The following FRRS1L variants were observed in gnomAD, a reference collection of about 807,000 sequenced individuals.
The protein encoded by FRRS1L is ferric chelate reductase 1 like, also known as DOMON domain-containing protein FRRS1L.
FRRS1L carries 22 observed loss-of-function variants against 28.6 expected under a neutral mutation model. That is an observed-to-expected ratio of 0.77 (90% CI 0.55 to 1.10). The LOEUF (loss-of-function observed/expected upper bound fraction) is 1.10, where lower values mean the gene tolerates loss of function less well. FRRS1L is among the 50% of genes least tolerant of loss of function. The pLI is 0.00. For synonymous variants in FRRS1L, 158 were observed against 151.4 expected, an observed-to-expected ratio of 1.04 and a Z score of -0.32; for missense variants, 380 against 386.9, an observed-to-expected ratio of 0.98 and a Z score of 0.15.
In FRRS1L at chr9:109,154,142, A is replaced by C. The variant is rs1831374361; in HGVS notation, c.239-4422T>G. ...TCATCCCATGCTGCTCTGAGGCATC[A>C]GCAGCAGCTGAGCACAGCCTCATTC... On this transcript the variant is annotated intron_variant, in intron 1 of 4. Coordinates refer to ENST00000561981, the MANE Select transcript of FRRS1L (RefSeq NM_014334.4). 3.3e-5 allele frequency among the ~76,000 whole-genome samples: 5 copies of C among 152,366 alleles called. No homozygotes were observed. The South Asian group carries it at 1.0e-3, about 32-fold the overall frequency.
rs1048653874 is a variant in FRRS1L, at chr9:109,132,614, A to C, written c.*4841T>G. On this transcript the variant is annotated 3_prime_UTR_variant, in exon 5 of 5. Coordinates refer to ENST00000561981, the MANE Select transcript of FRRS1L (RefSeq NM_014334.4). The stretch of plus-strand genomic sequence containing the variant: ...AGTATCCTTTACAACTAATCATGAT[A>C]TATTGGTGTGTCCCTATCTAAGAAC... The C allele has an allele frequency of 7.2e-5, 11 of 152,182 alleles. No individual in the cohort carries two copies. Among genetic ancestry groups the C allele is most frequent in the African/African-American group, 2.7e-4 (11 of 41,446 alleles). The allele number at this position is 152,182 out of a possible 1,614,324, so 9.4% of individuals were successfully genotyped here.
Position 109,141,581 on chromosome 9 carries a change from A to G in FRRS1L, c.471T>C (p.Asp157=). The change falls in exon 4 of 5, where the codon GAT becomes GAC. Residue 157 remains aspartate, a synonymous_variant. Coordinates refer to ENST00000561981, the MANE Select transcript of FRRS1L (RefSeq NM_014334.4). ...GFSSDKKMGG[D]DVMACVHDDN... ...CATCATGGACGCAGGCCATGACATC[A>G]TCACCACCCTAACATGAGAAATGAT... The G allele has an allele frequency of 1.2e-6, 2 of 1,611,920 alleles. No homozygotes were observed. Among genetic ancestry groups the G allele is most frequent in the East Asian group, 2.2e-5 (1 of 44,844 alleles).
chr9:109,138,381 C>T (rs192794848), intron 4 of FRRS1L: 1 of 152,264 alleles, frequency 6.6e-6, no homozygotes, highest in Non-Finnish European at 1.5e-5. Context: ...AGTGTCTGAC[C>T]TCCTGAATAA....
chr9:109,155,386 C>T (rs143006816), intron 1 of FRRS1L, among the ~76,000 whole-genome samples: 32 of 152,174 alleles, frequency 2.1e-4, no homozygotes, highest in Non-Finnish European at 3.2e-4. Context: ...ACAACATGGA[C>T]GTACCTTGAT....
chr9:109,161,051 A>G lies in FRRS1L; in HGVS notation c.238+5850T>C, dbSNP rs561342649. On this transcript the variant is annotated intron_variant, in intron 1 of 4. Coordinates refer to ENST00000561981, the MANE Select transcript of FRRS1L (RefSeq NM_014334.4). The stretch of plus-strand genomic sequence containing the variant: ...GGTGATCTGCCGCCTCGGCTTCCCA[A>G]CGTGCTGGGATTACAGGCCGCCTCA... Among the ~76,000 whole-genome samples the G allele has an allele frequency of 2.3e-3, 350 of 152,162 alleles. 1 individual carries two copies. Among genetic ancestry groups the G allele is most frequent in the Non-Finnish European group, 4.0e-3 (274 of 68,006 alleles).
chr9:109,141,849 G>GA (rs1383377862), intron 3 of FRRS1L, among the ~76,000 whole-genome samples: 1 of 139,692 alleles, frequency 7.2e-6, no homozygotes, highest in African/African-American at 2.7e-5. Flanking sequence ...ACCTAATCAA[G>GA]AAAAAACAAT....
chr9:109,164,871 C>T lies in FRRS1L; in HGVS notation c.238+2030G>A, dbSNP rs919316592. Among the ~76,000 whole-genome samples, 6 of 152,234 alleles carry T rather than the reference C, an allele frequency of 3.9e-5. No individual in the cohort carries two copies. The East Asian group carries it at 7.7e-4, about 20-fold the overall frequency. ...TAAATGCCTTCCCTCTTCTGTGTCA[C>T]TGAAGTCTTTCCTACTTCATGGCTT... On this transcript the variant is annotated intron_variant, in intron 1 of 4. Transcript: ENST00000561981.
In FRRS1L at chr9:109,134,624, C is replaced by A. The variant is rs746215994; in HGVS notation, c.*2831G>T. On this transcript the variant is annotated 3_prime_UTR_variant, in exon 5 of 5. Coordinates refer to ENST00000561981, the MANE Select transcript of FRRS1L (RefSeq NM_014334.4). ...TTTTACCTTAATGGCACTGAGAAGT[C>A]ATTGAAAGTTCTAAGCATAAATAAG... is the stretch of plus-strand genomic sequence containing the variant. The A allele has an allele frequency of 6.6e-6, 1 of 152,134 alleles. No individual in the cohort carries two copies. The highest frequency in any genetic ancestry group is 6.5e-5 in the Admixed American group (1 of 15,282). 9.4% of individuals were successfully genotyped at this position (152,134 alleles called of 1,614,324 possible).
chr9:109,159,656 TCAA>T (rs1012885307), intron 1 of FRRS1L, among the ~76,000 whole-genome samples: 4 of 152,106 alleles, frequency 2.6e-5, no homozygotes, highest in Admixed American at 2.0e-4. Flanking sequence ...AGACTCTGTC[TCAA>T]CAACAACAAC....
intron 1 of FRRS1L, among the ~76,000 whole-genome samples, chr9:109,153,163 T>C (rs879780745): frequency 3.3e-5 from 5 of 152,194 alleles, no homozygotes; most frequent in Non-Finnish European, 5.9e-5. Flanking sequence ...TTGTTCTTCA[T>C]GAGCCCCTTG....
In FRRS1L at chr9:109,134,832, T is replaced by C. The variant is rs1414657599; in HGVS notation, c.*2623A>G. The C allele has an allele frequency of 5.3e-5, 8 of 152,180 alleles. No homozygotes were observed. Among genetic ancestry groups the C allele is most frequent in the Admixed American group, 5.2e-4 (8 of 15,278 alleles). The allele number at this position is 152,180 out of a possible 1,614,324, so 9.4% of individuals were successfully genotyped here. A position where few individuals can be genotyped will look rare whatever the true frequency, so the allele number is the denominator to read the frequency against. On this transcript the variant is annotated 3_prime_UTR_variant, in exon 5 of 5. Coordinates refer to ENST00000561981, the MANE Select transcript of FRRS1L (RefSeq NM_014334.4). ...ATAAGAGAGAGAAATATAAAAATATTTGCTTCTTATTTACAACATGGCTGC... is the reference window on the plus strand; with the variant it reads ...ATAAGAGAGAGAAATATAAAAATATCTGCTTCTTATTTACAACATGGCTGC...
intron 1 of FRRS1L, chr9:109,149,992 C>CTTTTTTTTTTTTTTG: frequency 1.7e-5 from 6 of 349,120 alleles, no homozygotes; most frequent in East Asian, 5.6e-5. Context: ...GGCACAATTT[C>CTTTTTTTTTTTTTTG]ATATAACCAC....
At chr9:109,160,791 C>CTTTTTTT (rs750103312) in intron 1 of FRRS1L, among the ~76,000 whole-genome samples, 1 of 114,388 alleles carries the variant, frequency 8.7e-6, no homozygotes, top group Admixed American at 9.8e-5. Context: ...AGAAAGAAAT[C>CTTTTTTT]TTTTTTTTTT....
intron 1 of FRRS1L, among the ~76,000 whole-genome samples, chr9:109,161,110 C>T (rs528886899): frequency 1.3e-5 from 2 of 152,182 alleles, no homozygotes; most frequent in African/African-American, 4.8e-5. Context: ...TTCTGTCATC[C>T]CACTGCTCCT....
In FRRS1L at chr9:109,165,261, G is replaced by A. The variant is rs1446995643; in HGVS notation, c.238+1640C>T. 2.0e-5 allele frequency among the ~76,000 whole-genome samples: 3 copies of A among 152,222 alleles called. No homozygotes were observed. The East Asian group carries it at 5.8e-4, about 29-fold the overall frequency. ...CTTGAAGCTAGGTCATTGTAACTAT[G>A]TTTTTGCCAAAGGAATGTGAACAGC... On this transcript the variant is annotated intron_variant, in intron 1 of 4. Transcript: ENST00000561981.
At position 109,137,362 on chromosome 9, in the gene FRRS1L, A is replaced by T; in HGVS notation, c.*93T>A. 1 of 777,404 alleles carries T rather than the reference A, an allele frequency of 1.3e-6. No homozygotes were observed. 48.2% of individuals were successfully genotyped at this position (777,404 alleles called of 1,614,324 possible). On this transcript the variant is annotated 3_prime_UTR_variant, in exon 5 of 5. Coordinates refer to ENST00000561981, the MANE Select transcript of FRRS1L (RefSeq NM_014334.4). ...TATATGAGGTTTTTTTTCTTAAATA[A>T]TTGAAGCTAAAATTATACTGGATAT... is the stretch of plus-strand genomic sequence containing the variant.
intron 2 of FRRS1L, among the ~76,000 whole-genome samples, chr9:109,149,170 A>G (rs1174226554): frequency 6.6e-6 from 1 of 152,194 alleles, no homozygotes; most frequent in Admixed American, 6.5e-5. Context: ...TCATGTAGAG[A>G]CTCACCATGC....
At chr9:109,155,920 T>C (rs1588102570) in intron 1 of FRRS1L, among the ~76,000 whole-genome samples, 1 of 152,260 alleles carries the variant, frequency 6.6e-6, no homozygotes, top group African/African-American at 2.4e-5. Flanking sequence ...TTGCACATTT[T>C]AATTGGGTGA....
Position 109,135,177 on chromosome 9 carries a change from T to G in FRRS1L, c.*2278A>C, listed in dbSNP as rs1831098083. 1 of 152,176 alleles carries G rather than the reference T, an allele frequency of 6.6e-6. No individual in the cohort carries two copies. The highest frequency in any genetic ancestry group is 1.5e-5 in the Non-Finnish European group (1 of 68,032). The allele number at this position is 152,176 out of a possible 1,614,324, so 9.4% of individuals were successfully genotyped here. A position where few individuals can be genotyped will look rare whatever the true frequency, so the allele number is the denominator to read the frequency against. The stretch of plus-strand genomic sequence containing the variant: ...CCTGTGACATGAATCTGGAGGGTGG[T>G]ATTAGAAATCACAATCACCAGTGTT... On this transcript the variant is annotated 3_prime_UTR_variant, in exon 5 of 5. Transcript: ENST00000561981.
Sources: allele counts gnomAD v4.1 joint callset (sites outside exome capture counted in the v4.1 genomes callset), GRCh38; gene constraint gnomAD v4.1.1; transcripts MANE v1.5; gene names NCBI Gene and HGNC (gene_info 2026-07-23, HGNC 2026-07-21).